PCDHGB4: variants seen among roughly 807,000 people sequenced by gnomAD.
PCDHGB4 encodes the protein protocadherin gamma subfamily B, 4, also known as protocadherin gamma-B4.
PCDHGB4 carries 38 observed loss-of-function variants against 60.5 expected under a neutral mutation model. The observed-to-expected ratio is 0.63, with a 90% CI of 0.48 to 0.82. The LOEUF (loss-of-function observed/expected upper bound fraction) is 0.82, where lower values mean the gene tolerates loss of function less well. Ranked by LOEUF, PCDHGB4 falls within the 40% of genes least tolerant of loss-of-function variation. PCDHGB4 has a pLI of 0.00. For missense variants in PCDHGB4, 1,109 were observed against 1,209.6 expected (o/e 0.92, Z 1.23); for synonymous variants, 456 against 509.7 (o/e 0.89, Z 1.42).
intron 1 of PCDHGB4, chr5:141,441,671 C>A (rs1027440120): frequency 7.0e-6 from 2 of 287,530 alleles, no homozygotes; most frequent in South Asian, 2.9e-5. Flanking sequence ...GCGCACAGTG[C>A]GCCTTCGACC....
intron 1 of PCDHGB4, chr5:141,423,195 G>A: frequency 1.2e-6 from 2 of 1,613,544 alleles, no homozygotes; most frequent in Non-Finnish European, 8.5e-7. Flanking sequence ...CCCCTCTCTC[G>A]GCCACCGTCA....
chr5:141,388,228 A>G lies in PCDHGB4; in HGVS notation c.344A>G (p.Asn115Ser), dbSNP rs768450383. The change falls in exon 1 of 4, where the codon AAC becomes AGC. Residue 115 changes from asparagine (N) to serine (S), a missense_variant. Physicochemically the swap from Asn to Ser is conservative, Grantham distance 46. Transcript: ENST00000519479. Reference sequence around the variant, plus strand: ...GAGGCTGTTGCTGAAAATCCACTGAACTTTTATCACGTGAATGTGGAGATC... The same window carrying G: ...GAGGCTGTTGCTGAAAATCCACTGAGCTTTTATCACGTGAATGTGGAGATC... ...EFEAVAENPL[N>S]FYHVNVEIED... The G allele has an allele frequency of 5.6e-6, 9 of 1,605,464 alleles. No homozygotes were observed. The highest frequency in any genetic ancestry group is 7.7e-6 in the Non-Finnish European group (9 of 1,173,916).
intron 1 of PCDHGB4, chr5:141,402,922 C>A: frequency 1.3e-6 from 2 of 1,576,446 alleles, no homozygotes; most frequent in Non-Finnish European, 8.6e-7. Flanking sequence ...GCACAGAGAT[C>A]CTTTTGAGAA....
chr5:141,429,395 A>AAT (rs2097212201), intron 1 of PCDHGB4, among the ~76,000 whole-genome samples: 7 of 152,008 alleles, frequency 4.6e-5, no homozygotes, highest in African/African-American at 1.7e-4. Flanking sequence ...TTTAAAAAAA[A>AAT]TTGAGATTAA....
chr5:141,493,330 A>G lies in PCDHGB4; in HGVS notation c.2398-1477A>G, dbSNP rs979607147. 6.6e-6 allele frequency among the ~76,000 whole-genome samples: 1 copy of G among 152,182 alleles called. No homozygotes were observed. Among genetic ancestry groups the G allele is most frequent in the Non-Finnish European group, 1.5e-5 (1 of 68,020 alleles). On this transcript the variant is annotated intron_variant, in intron 1 of 3. Coordinates refer to ENST00000519479, the MANE Select transcript of PCDHGB4 (RefSeq NM_003736.4). The surrounding 1 kb of genome is among the most constrained non-coding windows in gnomAD (Gnocchi z 4.3). ...GTAAGAGAGATTCTAACCCCTGTCT[A>G]ACTCCAGAATGTGTGCTTTTAATTT... is the stretch of plus-strand genomic sequence containing the variant.
chr5:141,475,938 G>T (rs756781296), intron 1 of PCDHGB4: 22 of 682,776 alleles, frequency 3.2e-5, no homozygotes, highest in African/African-American at 7.2e-5. Flanking sequence ...GCCCCTGCCC[G>T]TCCCCTTTCT....
chr5:141,417,001 ATAAT>A (rs2096073629), intron 1 of PCDHGB4: 2 of 150,812 alleles, frequency 1.3e-5, no homozygotes, highest in Non-Finnish European at 1.5e-5. Flanking sequence ...TTCATCTCAA[ATAAT>A]TCTATTATTT....
At chr5:141,478,133 G>T (rs769287158) in intron 1 of PCDHGB4, 1 of 1,614,060 alleles carries the variant, frequency 6.2e-7, no homozygotes, top group Non-Finnish European at 8.5e-7. Flanking sequence ...CTCTCCTGAA[G>T]CCCGAGCCGA....
chr5:141,393,844 G>A (rs1158027980), intron 1 of PCDHGB4: 1 of 1,613,966 alleles, frequency 6.2e-7, no homozygotes, highest in Admixed American at 1.7e-5. Flanking sequence ...AATGACAATA[G>A]ACCAGAAGTG....
rs778684539 is a variant in PCDHGB4 at position 141,477,205 on chromosome 5, G to A, written c.2398-17602G>A. ...CCTCCGTGTACAGCCCAGTACCCGA[G>A]GATGCCCCTCTGGGGACTGTCATCG... On this transcript the variant is annotated intron_variant, in intron 1 of 3. Transcript: ENST00000519479. The surrounding 1 kb of genome is among the most constrained non-coding windows in gnomAD (Gnocchi z 4.9). 1 of 1,614,184 alleles carries A rather than the reference G, an allele frequency of 6.2e-7. No homozygotes were observed. The highest frequency in any genetic ancestry group is 8.5e-7 in the Non-Finnish European group (1 of 1,180,042).
rs112156044 is a variant in PCDHGB4, at chr5:141,476,771, G to T, written c.2398-18036G>T. ...CCAGTTAGTGCTGACGGCGTTGGAC[G>T]GAGGGACCCCAGCTCTCTCCGCCAG... On this transcript the variant is annotated intron_variant, in intron 1 of 3. Coordinates refer to ENST00000519479, the MANE Select transcript of PCDHGB4 (RefSeq NM_003736.4). The surrounding 1 kb of genome is among the most constrained non-coding windows in gnomAD (Gnocchi z 7.6). The T allele has an allele frequency of 6.2e-7, 1 of 1,613,700 alleles. No homozygotes were observed. The highest frequency in any genetic ancestry group is 1.1e-5 in the South Asian group (1 of 91,084).
intron 2 of PCDHGB4, among the ~76,000 whole-genome samples, chr5:141,500,184 TTTTATTTATTTATTTATTTA>T (rs58019021): frequency 1.5e-5 from 2 of 135,966 alleles, no homozygotes; most frequent in Non-Finnish European, 3.2e-5. Flanking sequence ...TCATTTTTAT[TTTTATTTATTTATTTATTTA>T]TTTATTTATT....
At chr5:141,394,621 G>C (rs1231814252) in intron 1 of PCDHGB4, 1 of 1,613,408 alleles carries the variant, frequency 6.2e-7, no homozygotes, top group African/African-American at 1.3e-5. Flanking sequence ...CAGAACGCCT[G>C]GCTGTCCTAC....
At chr5:141,446,798 T>C (rs1223789118) in intron 1 of PCDHGB4, among the ~76,000 whole-genome samples, 1 of 152,160 alleles carries the variant, frequency 6.6e-6, no homozygotes, top group Non-Finnish European at 1.5e-5. Flanking sequence ...AGTTCTTCCA[T>C]TGTGATCATC....
intron 1 of PCDHGB4, chr5:141,417,666 G>C (rs1487166683): frequency 3.1e-5 from 28 of 917,486 alleles, no homozygotes; most frequent in Non-Finnish European, 4.2e-5. Context: ...GGGATTCCCT[G>C]CGCAGCCAAC....
chr5:141,431,731 T>G lies in PCDHGB4; in HGVS notation c.2397+41450T>G. 6.2e-7 allele frequency: 1 copy of G among 1,614,210 alleles called. No homozygotes were observed. The highest frequency in any genetic ancestry group is 8.5e-7 in the Non-Finnish European group (1 of 1,180,034). Reference sequence around the variant, plus strand: ...AGATGGAAGTGCAAGCAATGGATAATGCAGGATATTCTGCGCGAGCCAAAG... The same window carrying G: ...AGATGGAAGTGCAAGCAATGGATAAGGCAGGATATTCTGCGCGAGCCAAAG... On this transcript the variant is annotated intron_variant, in intron 1 of 3. Coordinates refer to ENST00000519479, the MANE Select transcript of PCDHGB4 (RefSeq NM_003736.4). The surrounding 1 kb of genome is among the most constrained non-coding windows in gnomAD (Gnocchi z 4.8).
intron 1 of PCDHGB4, chr5:141,422,833 C>G (rs2096676817): frequency 6.2e-7 from 1 of 1,614,106 alleles, no homozygotes; most frequent in African/African-American, 1.3e-5. Flanking sequence ...AGTGATAGCA[C>G]GTGACAGCGG....
Position 141,388,879 on chromosome 5 carries a change from A to C in PCDHGB4, c.995A>C (p.Glu332Ala), listed in dbSNP as rs771776263. 3 of 1,613,956 alleles carry C rather than the reference A, an allele frequency of 1.9e-6. No individual in the cohort carries two copies. In the East Asian group the frequency reaches 6.7e-5, roughly 36 times the overall value. ...GGGMIAQCTV[E>A]VEVIDENDNA... ...GGAATGATTGCGCAATGCACAGTGG[A>C]GGTAGAAGTCATAGATGAAAATGAC... Residue 332 changes from glutamate to alanine, a missense_variant, in exon 1 of 4, where the codon GAG (glutamate) becomes GCG (alanine). Around this residue, in one of 2 missense-constraint regions of PCDHGB4, gnomAD observed 1,068 missense variants for 1,089.9 expected, o/e 0.98. Transcript: ENST00000519479.
chr5:141,469,565 C>T (rs1410607165), intron 1 of PCDHGB4, among the ~76,000 whole-genome samples: 1 of 152,082 alleles, frequency 6.6e-6, no homozygotes, highest in East Asian at 1.9e-4. Context: ...CAGAGTGAGA[C>T]TCTGTCTCTA....
Sources: allele counts gnomAD v4.1 joint callset (sites outside exome capture counted in the v4.1 genomes callset), GRCh38; gene constraint gnomAD v4.1.1; regional missense constraint gnomAD v4.1.1; non-coding constraint Gnocchi (gnomAD v3.1); transcripts MANE v1.5; gene names NCBI Gene and HGNC (gene_info 2026-07-23, HGNC 2026-07-21).